NXPE4: variants seen among roughly 807,000 people sequenced by gnomAD.
NXPE4 encodes NXPE family member 4.
A neutral mutation model predicts 33.3 loss-of-function variants in NXPE4; 42 were observed. That is an observed-to-expected ratio of 1.26 (90% confidence interval 0.98 to 1.63). The LOEUF (loss-of-function observed/expected upper bound fraction) is 1.63. Ranked by LOEUF, NXPE4 falls within the 40% of genes most tolerant of loss-of-function variation. The pLI is 0.00. For missense variants in NXPE4, 709 were observed against 647.6 expected, an observed-to-expected ratio of 1.09 and a Z score of -1.03; for synonymous variants, 253 against 234.9, an observed-to-expected ratio of 1.08 and a Z score of -0.71.
the NXPE4 span, among the ~76,000 whole-genome samples, chr11:114,623,649 GT>G: frequency 1.0e-3 from 156 of 152,106 alleles, no homozygotes; most frequent in African/African-American, 3.7e-3. Flanking sequence ...GTTGCCTTGT[GT>G]GTAACCACTC....
At chr11:114,630,827 GA>G in the NXPE4 span, among the ~76,000 whole-genome samples, 19 of 151,502 alleles carry the variant, frequency 1.3e-4, no homozygotes, top group African/African-American at 4.1e-4. Context: ...AAATTTACAA[GA>G]AAAAAACAAA....
chr11:114,608,201 C>A, the NXPE4 span, among the ~76,000 whole-genome samples: 4 of 151,128 alleles, frequency 2.6e-5, no homozygotes, highest in African/African-American at 7.3e-5. Context: ...CATGGTTACC[C>A]GGTGGATAAT....
chr11:114,674,550 T>A, the NXPE4 span, among the ~76,000 whole-genome samples: 1 of 149,078 alleles, frequency 6.7e-6, no homozygotes, highest in Non-Finnish European at 1.5e-5. Flanking sequence ...ACATGAAAGA[T>A]AAGGAGGAAT....
intron 1 of NXPE4, among the ~76,000 whole-genome samples, chr11:114,595,163 C>A (rs1949551507): frequency 6.6e-6 from 1 of 152,148 alleles, no homozygotes; most frequent in African/African-American, 2.4e-5. Context: ...ACACTGAGAA[C>A]CACATCATTA....
chr11:114,677,396 AC>A, the NXPE4 span, among the ~76,000 whole-genome samples: 1 of 152,074 alleles, frequency 6.6e-6, no homozygotes, highest in Non-Finnish European at 1.5e-5. Flanking sequence ...GTAAACACAT[AC>A]ATTTTTTATT....
chr11:114,624,551 GATA>G, the NXPE4 span, among the ~76,000 whole-genome samples: 1 of 151,704 alleles, frequency 6.6e-6, no homozygotes, highest in Non-Finnish European at 1.5e-5. Flanking sequence ...TTACCTAGTG[GATA>G]ATAAGTATTG....
At chr11:114,595,492 C>G (rs1949559035) in intron 1 of NXPE4, 100 bp downstream of exon 1, 1 of 152,268 alleles carries the variant, frequency 6.6e-6, no homozygotes, top group Non-Finnish European at 1.5e-5. Context: ...ACCTTTCACC[C>G]CAGATCCCTA....
At chr11:114,674,815 G>T in the NXPE4 span, among the ~76,000 whole-genome samples, 1 of 151,734 alleles carries the variant, frequency 6.6e-6, no homozygotes, top group Non-Finnish European at 1.5e-5. Context: ...GACCAGCATT[G>T]TCCCGATATC....
chr11:114,607,432 C>T, the NXPE4 span, among the ~76,000 whole-genome samples: 4 of 151,646 alleles, frequency 2.6e-5, no homozygotes, highest in Non-Finnish European at 5.9e-5. Context: ...TGTATTTCCT[C>T]GTGGGAAACC....
At chr11:114,628,445 A>C in the NXPE4 span, among the ~76,000 whole-genome samples, 9 of 152,228 alleles carry the variant, frequency 5.9e-5, no homozygotes, top group Non-Finnish European at 1.2e-4. Flanking sequence ...AAATGAAAGC[A>C]GAAATAAAGA....
chr11:114,591,106 T>C (rs1949441647), intron 2 of NXPE4, among the ~76,000 whole-genome samples: 1 of 152,140 alleles, frequency 6.6e-6, no homozygotes, highest in African/African-American at 2.4e-5. Flanking sequence ...TGGCAGTTCT[T>C]TTGTAGAGCA....
intron 5 of NXPE4, among the ~76,000 whole-genome samples, chr11:114,575,597 GTAAAA>G (rs553213789): frequency 1.7e-4 from 26 of 151,548 alleles, no homozygotes; most frequent in Non-Finnish European, 7.4e-5. Context: ...CACAATAGCT[GTAAAA>G]TAAAATAAAA....
the NXPE4 span, among the ~76,000 whole-genome samples, chr11:114,672,535 G>A: frequency 1.3e-5 from 2 of 151,848 alleles, no homozygotes; most frequent in Non-Finnish European, 2.9e-5. Flanking sequence ...TTGCCAGACT[G>A]GTTAATGGGA....
At chr11:114,631,223 CAT>C in the NXPE4 span, among the ~76,000 whole-genome samples, 1 of 151,980 alleles carries the variant, frequency 6.6e-6, no homozygotes, top group East Asian at 1.9e-4. Flanking sequence ...CACATGCACA[CAT>C]ATGTTTATTG....
At chr11:114,572,722 G>T (rs1027155030) in intron 5 of NXPE4, among the ~76,000 whole-genome samples, 21 of 151,936 alleles carry the variant, frequency 1.4e-4, no homozygotes, top group African/African-American at 4.8e-4. Context: ...TATGCTAAAT[G>T]CCCCAACCTA....
At chr11:114,591,913 C>G (rs181791364) in intron 2 of NXPE4, among the ~76,000 whole-genome samples, 1 of 152,190 alleles carries the variant, frequency 6.6e-6, no homozygotes, top group East Asian at 1.9e-4. Context: ...CAGGTGGCCC[C>G]TTCTCATTCA....
At chr11:114,583,428 C>A in intron 2 of NXPE4, 1 of 664,276 alleles carries the variant, frequency 1.5e-6, no homozygotes, top group Non-Finnish European at 2.8e-6. Flanking sequence ...CCTCACAAAG[C>A]CAATGCTGAG....
the NXPE4 span, among the ~76,000 whole-genome samples, chr11:114,646,166 C>G: frequency 6.6e-6 from 1 of 151,938 alleles, no homozygotes. Flanking sequence ...TTTGTCATTT[C>G]TATATCTTAA....
chr11:114,572,736 A>T (rs1948918907), intron 5 of NXPE4, among the ~76,000 whole-genome samples: 1 of 152,212 alleles, frequency 6.6e-6, no homozygotes, highest in African/African-American at 2.4e-5. Flanking sequence ...CAACCTAAGA[A>T]TAATTGGTAT....
Sources: gnomAD v4.1 joint callset for allele counts (sites outside exome capture counted in the v4.1 genomes callset) on GRCh38, gnomAD v4.1.1 for gene constraint, MANE v1.5 for transcripts, NCBI Gene and HGNC (gene_info 2026-07-23, HGNC 2026-07-21) for gene names.